Variants in NKAIN2 observed in about 807,000 individuals in gnomAD.
NKAIN2 encodes sodium/potassium transporting ATPase interacting 2, also known as sodium/potassium-transporting ATPase subunit beta-1-interacting protein 2.
In NKAIN2, 14 loss-of-function variants were observed where a neutral mutation model predicts 32.6. That is an observed-to-expected ratio of 0.43 (90% confidence interval 0.28 to 0.67). The LOEUF is 0.67. Ranked by LOEUF, NKAIN2 falls within the 30% of genes least tolerant of loss-of-function variation. The pLI is 0.17. For missense variants in NKAIN2, 198 were observed against 258.3 expected (o/e 0.77, Z 1.60); for synonymous variants, 80 against 87.2 (o/e 0.92, Z 0.46).
intron 1 of NKAIN2, among the ~76,000 whole-genome samples, chr6:123,906,609 T>C (rs1454649636): frequency 1.3e-5 from 2 of 152,184 alleles, no homozygotes; most frequent in Admixed American, 6.5e-5. Flanking sequence ...TACCACTTTC[T>C]AAGCACAAGA....
intron 1 of NKAIN2, among the ~76,000 whole-genome samples, chr6:124,247,215 C>A (rs1048023078): frequency 4.0e-5 from 6 of 151,866 alleles, no homozygotes; most frequent in Non-Finnish European, 8.8e-5. Context: ...ATTTGTCCAC[C>A]CACCAAAATG....
chr6:124,122,143 T>G (rs900766364), intron 1 of NKAIN2, among the ~76,000 whole-genome samples: 1 of 152,104 alleles, frequency 6.6e-6, no homozygotes. Context: ...TGGAAAATGT[T>G]GGTACAAAAT....
chr6:124,645,993 T>C (rs1453348155), intron 3 of NKAIN2, among the ~76,000 whole-genome samples: 2 of 152,336 alleles, frequency 1.3e-5, no homozygotes, highest in African/African-American at 4.8e-5. Flanking sequence ...TTTTCCTTAT[T>C]ATATTAATCA....
chr6:124,102,677 A>G (rs932462889), intron 1 of NKAIN2, among the ~76,000 whole-genome samples: 13 of 152,244 alleles, frequency 8.5e-5, no homozygotes, highest in African/African-American at 3.1e-4. Context: ...TTGTGAATGT[A>G]TTGTGCTTCT....
chr6:123,816,462 T>C (rs1582581664), intron 1 of NKAIN2, among the ~76,000 whole-genome samples: 1 of 152,128 alleles, frequency 6.6e-6, no homozygotes, highest in Non-Finnish European at 1.5e-5. Context: ...AAAAGATTGC[T>C]AAACTGCTTC....
intron 3 of NKAIN2, among the ~76,000 whole-genome samples, chr6:124,430,571 C>T (rs1775172195): frequency 6.6e-6 from 1 of 152,074 alleles, no homozygotes; most frequent in African/African-American, 2.4e-5. Flanking sequence ...CCAGTATCTC[C>T]TTCCATCTCT....
chr6:124,391,444 C>T (rs1773138253), intron 3 of NKAIN2, among the ~76,000 whole-genome samples: 1 of 152,078 alleles, frequency 6.6e-6, no homozygotes, highest in Non-Finnish European at 1.5e-5. Flanking sequence ...GGGCCTGACA[C>T]AGAGTAGCTG....
At chr6:124,012,964 T>C (rs1460154658) in intron 1 of NKAIN2, among the ~76,000 whole-genome samples, 4 of 152,202 alleles carry the variant, frequency 2.6e-5, no homozygotes, top group African/African-American at 9.6e-5. Flanking sequence ...TTCATGTGAA[T>C]TCCAAATATC....
intron 1 of NKAIN2, among the ~76,000 whole-genome samples, chr6:124,199,410 C>A (rs115150455): frequency 5.8e-4 from 88 of 152,260 alleles, no homozygotes; most frequent in African/African-American, 1.8e-3. Flanking sequence ...ATTCAGTTTT[C>A]TGCTTCAAGG....
intron 2 of NKAIN2, among the ~76,000 whole-genome samples, chr6:124,335,615 A>G (rs1253550809): frequency 6.6e-6 from 1 of 152,138 alleles, no homozygotes; most frequent in Non-Finnish European, 1.5e-5. Flanking sequence ...AAAATTTACA[A>G]CTACCACACA....
intron 1 of NKAIN2, among the ~76,000 whole-genome samples, chr6:123,954,218 A>G (rs1206575356): frequency 1.3e-5 from 2 of 152,248 alleles, no homozygotes; most frequent in East Asian, 1.9e-4. Context: ...CTTTTTCAAT[A>G]CGGTGCCTTG....
At chr6:124,085,998 T>C (rs1784174414) in intron 1 of NKAIN2, among the ~76,000 whole-genome samples, 1 of 151,976 alleles carries the variant, frequency 6.6e-6, no homozygotes, top group African/African-American at 2.4e-5. Flanking sequence ...TTTTTAAAGG[T>C]AAAATAACTT....
chr6:124,168,073 A>C (rs553686057), intron 1 of NKAIN2, among the ~76,000 whole-genome samples: 47 of 152,326 alleles, frequency 3.1e-4, no homozygotes, highest in Admixed American at 7.9e-4. Context: ...TTTGAATCAT[A>C]GGTGAAGAGT....
At chr6:123,940,991 T>C (rs890028727) in intron 1 of NKAIN2, among the ~76,000 whole-genome samples, 2 of 152,012 alleles carry the variant, frequency 1.3e-5, no homozygotes, top group Admixed American at 1.3e-4. Context: ...AATTTTTTAT[T>C]TCTTTATGTC....
At chr6:124,707,607 T>C (rs1257101610) in intron 4 of NKAIN2, among the ~76,000 whole-genome samples, 1 of 144,642 alleles carries the variant, frequency 6.9e-6, no homozygotes, top group Non-Finnish European at 1.5e-5. Flanking sequence ...GTGAGCATTT[T>C]TTCATGTGTT....
At chr6:123,946,820 A>G (rs1777083012) in intron 1 of NKAIN2, among the ~76,000 whole-genome samples, 1 of 152,164 alleles carries the variant, frequency 6.6e-6, no homozygotes, top group South Asian at 2.1e-4. Context: ...TCCAAAAGAG[A>G]GTTCTCTGCC....
chr6:124,275,267 G>T (rs1794977229), intron 1 of NKAIN2, among the ~76,000 whole-genome samples: 2 of 152,014 alleles, frequency 1.3e-5, no homozygotes, highest in Admixed American at 1.3e-4. Context: ...TTAACTATTT[G>T]ACTTCTATGG....
intron 1 of NKAIN2, among the ~76,000 whole-genome samples, chr6:123,877,466 A>C (rs1344097906): frequency 1.3e-5 from 2 of 152,230 alleles, no homozygotes. Flanking sequence ...TTAGATGGGC[A>C]TATGGAATGT....
At chr6:123,874,683 T>C (rs1773081712) in intron 1 of NKAIN2, among the ~76,000 whole-genome samples, 1 of 152,166 alleles carries the variant, frequency 6.6e-6, no homozygotes, top group Admixed American at 6.5e-5. Context: ...AAAAATATTA[T>C]GTGAAAAAGG....
Sources: allele counts gnomAD v4.1 joint callset (sites outside exome capture counted in the v4.1 genomes callset), GRCh38; gene constraint gnomAD v4.1.1; transcripts MANE v1.5; gene names NCBI Gene and HGNC (gene_info 2026-07-23, HGNC 2026-07-21).